SLC9A4: variants seen among roughly 807,000 people sequenced by gnomAD.
SLC9A4 encodes the protein sodium/hydrogen exchanger 4.
In SLC9A4, 63 loss-of-function variants were observed where a neutral mutation model predicts 67.4. The ratio of observed to expected loss-of-function variants is 0.93; its 90% CI spans 0.76 to 1.15. SLC9A4 has a LOEUF of 1.15. Ranked by LOEUF, SLC9A4 falls within the 50% of genes most tolerant of loss-of-function variation. The probability of loss-of-function intolerance (pLI) is 0.00; values close to 1 mark genes in which losing one functional copy is unlikely to be tolerated. For synonymous variants in SLC9A4, 393 were observed against 367.2 expected, an observed-to-expected ratio of 1.07 and a Z score of -0.80; for missense variants, 1,089 against 987.7, an observed-to-expected ratio of 1.10 and a Z score of -1.38.
At chr2:102,507,125 T>C (rs1467734611) in intron 4 of SLC9A4, among the ~76,000 whole-genome samples, 1 of 151,970 alleles carries the variant, frequency 6.6e-6, no homozygotes, top group African/African-American at 2.4e-5. Flanking sequence ...AGATGAGGAG[T>C]CTGAGGACAG....
intron 1 of SLC9A4, among the ~76,000 whole-genome samples, chr2:102,474,334 A>T (rs1487286033): frequency 6.6e-6 from 1 of 152,176 alleles, no homozygotes; most frequent in Non-Finnish European, 1.5e-5. Flanking sequence ...ATAGAGAATA[A>T]AGCACGTAGA....
chr2:102,499,639 C>T (rs932925372), intron 2 of SLC9A4, among the ~76,000 whole-genome samples: 27 of 152,280 alleles, frequency 1.8e-4, no homozygotes, highest in African/African-American at 6.5e-4. Context: ...TGGCACCAAG[C>T]TTTCTGATTC....
chr2:102,479,397 C>A, intron 2 of SLC9A4, 95 bp downstream of exon 2: 1 of 1,299,756 alleles, frequency 7.7e-7, no homozygotes, highest in Non-Finnish European at 1.0e-6. Context: ...CAGTGTGGCT[C>A]AGCGCAGCAG....
At chr2:102,508,795 AG>A (rs1356656834) in intron 5 of SLC9A4, 51 bp from the exon 6 acceptor site, 3 of 1,422,906 alleles carry the variant, frequency 2.1e-6, no homozygotes, top group Non-Finnish European at 2.9e-6. Flanking sequence ...TGCTCTCTCT[AG>A]TGACAGTCTT....
At chr2:102,500,918 C>A (rs1430472705) in intron 2 of SLC9A4, among the ~76,000 whole-genome samples, 2 of 151,124 alleles carry the variant, frequency 1.3e-5, no homozygotes, top group African/African-American at 4.9e-5. Context: ...TGCACATGAG[C>A]AATCATTTAC....
chr2:102,525,523 G>A (rs2104448936), intron 10 of SLC9A4, among the ~76,000 whole-genome samples: 1 of 151,558 alleles, frequency 6.6e-6, no homozygotes. Flanking sequence ...CAGACCCTCT[G>A]ATCCCAGGAT....
intron 2 of SLC9A4, among the ~76,000 whole-genome samples, chr2:102,480,169 C>G (rs1345669521): frequency 6.6e-6 from 1 of 151,970 alleles, no homozygotes; most frequent in Non-Finnish European, 1.5e-5. Context: ...CTTCTGCTTG[C>G]CCTCACCTCC....
intron 8 of SLC9A4, among the ~76,000 whole-genome samples, chr2:102,517,484 T>C (rs888981573): frequency 3.3e-5 from 5 of 152,176 alleles, no homozygotes; most frequent in Admixed American, 1.3e-4. Context: ...GAGAGGTTGA[T>C]TGATGAGAAC....
At chr2:102,500,084 C>G (rs1172024664) in intron 2 of SLC9A4, among the ~76,000 whole-genome samples, 1 of 152,162 alleles carries the variant, frequency 6.6e-6, no homozygotes, top group East Asian at 1.9e-4. Flanking sequence ...AGTGTCTTTA[C>G]AGTTATCCTT....
rs151304810 is a variant in SLC9A4 at position 102,508,893 on chromosome 2, C to T, written c.1448C>T (p.Thr483Ile). ...PLVRYLDVKK[T>I]NKKESINEEL... ...GTCAGGTACCTGGATGTTAAAAAAA[C>T]CAATAAAAAAGAATCCATCAATGAA... The change falls in exon 6 of 12, where the codon ACC (threonine) becomes ATC (isoleucine). Residue 483 changes from threonine to isoleucine, a missense_variant. Thr to Ile is a moderately conservative substitution (Grantham distance 89, BLOSUM62 -1). Transcript: ENST00000295269. The T allele has an allele frequency of 1.9e-6, 3 of 1,612,462 alleles. No individual in the cohort carries two copies. The Admixed American group carries it at 5.0e-5, about 27-fold the overall frequency.
At chr2:102,492,670 T>A (rs761659863) in intron 2 of SLC9A4, among the ~76,000 whole-genome samples, 6 of 152,154 alleles carry the variant, frequency 3.9e-5, no homozygotes, top group Non-Finnish European at 7.3e-5. Context: ...TGGGAGGGAC[T>A]GCTGTGAAGG....
At chr2:102,507,011 G>T (rs766446144) in intron 4 of SLC9A4, among the ~76,000 whole-genome samples, 5 of 152,032 alleles carry the variant, frequency 3.3e-5, no homozygotes, top group African/African-American at 4.8e-5. Context: ...ACTCGCGAAG[G>T]CTTGCTACAT....
intron 8 of SLC9A4, among the ~76,000 whole-genome samples, chr2:102,517,268 CT>C (rs1685293830): frequency 6.6e-6 from 1 of 152,302 alleles, no homozygotes; most frequent in East Asian, 1.9e-4. Context: ...TTCTTGTCTT[CT>C]GAGCCCACTT....
At chr2:102,478,797 G>C in intron 1 of SLC9A4, 42 bp from the exon 2 acceptor site, 6 of 1,584,140 alleles carry the variant, frequency 3.8e-6, no homozygotes, top group Non-Finnish European at 5.2e-6. Flanking sequence ...CACCCAGACC[G>C]TTTCGTTTGC....
At position 102,479,203 on chromosome 2, in the gene SLC9A4, C is replaced by T. The variant is rs1259294505; in HGVS notation, c.621C>T (p.Asp207=). 2 of 1,614,220 alleles carry T rather than the reference C, an allele frequency of 1.2e-6. No individual in the cohort carries two copies. Among genetic ancestry groups the T allele is most frequent in the South Asian group, 1.1e-5 (1 of 91,088 alleles). The part of the protein sequence containing the change: ...LLFGSLISAV[D]PVAVLAVFEE... The stretch of plus-strand genomic sequence containing the variant: ...TCGGCAGCCTGATCTCCGCCGTGGA[C>T]CCAGTGGCCGTGCTAGCCGTGTTTG... Residue 207 remains aspartate, a synonymous_variant, in exon 2 of 12, where the codon GAC becomes GAT. Coordinates refer to ENST00000295269, the MANE Select transcript of SLC9A4 (RefSeq NM_001011552.4).
At chr2:102,512,077 G>C in intron 6 of SLC9A4, 126 bp from the exon 7 acceptor site, 1 of 911,150 alleles carries the variant, frequency 1.1e-6, no homozygotes, top group Non-Finnish European at 1.7e-6. Flanking sequence ...TGAACACAGT[G>C]ATAGAAAGTC....
intron 3 of SLC9A4, among the ~76,000 whole-genome samples, chr2:102,505,000 A>C (rs1376180106): frequency 6.6e-6 from 1 of 152,236 alleles, no homozygotes; most frequent in Non-Finnish European, 1.5e-5. Context: ...GCCCATGCGA[A>C]TTACGTGTCC....
Position 102,533,596 on chromosome 2 carries a change from A to C in SLC9A4, c.*908A>C, listed in dbSNP as rs1674824893. On this transcript the variant is annotated 3_prime_UTR_variant, in exon 12 of 12. Transcript: ENST00000295269. ...CCATGCTGGTGTGCTGCACCCGCTA[A>C]CTCGTCATCTAGCATTAGGTGTATC... is the stretch of plus-strand genomic sequence containing the variant. 1 of 149,886 alleles carries C rather than the reference A, an allele frequency of 6.7e-6. No homozygotes were observed. The highest frequency in any genetic ancestry group is 2.5e-5 in the African/African-American group (1 of 40,684). The allele number at this position is 149,886 out of a possible 1,614,324, so 9.3% of individuals were successfully genotyped here.
At chr2:102,492,360 A>T (rs894325603) in intron 2 of SLC9A4, among the ~76,000 whole-genome samples, 1 of 152,192 alleles carries the variant, frequency 6.6e-6, no homozygotes, top group African/African-American at 2.4e-5. Flanking sequence ...CCTGCAGAAA[A>T]CTTCAGCCTG....
Sources: gnomAD v4.1 joint callset for allele counts (sites outside exome capture counted in the v4.1 genomes callset) on GRCh38, gnomAD v4.1.1 for gene constraint, MANE v1.5 for transcripts, NCBI Gene and HGNC (gene_info 2026-07-23, HGNC 2026-07-21) for gene names.